Variants in METTL25 observed in about 807,000 individuals in gnomAD.
METTL25 encodes the protein methyltransferase like 25.
Under a neutral mutation model 71.6 loss-of-function variants are expected in METTL25, and 64 were observed. The observed-to-expected ratio is 0.89, with a 90% CI of 0.73 to 1.10. The LOEUF (loss-of-function observed/expected upper bound fraction) is 1.10, where lower values mean the gene tolerates loss of function less well. METTL25 is among the 50% of genes least tolerant of loss of function. The probability of loss-of-function intolerance (pLI) is 0.00; values close to 1 mark genes in which losing one functional copy is unlikely to be tolerated. For synonymous variants in METTL25, 287 were observed against 250.3 expected (o/e 1.15, Z -1.38); for missense variants, 807 against 707.0 (o/e 1.14, Z -1.60).
At chr12:82,370,502 A>G (rs1883105588) in intron 1 of METTL25, among the ~76,000 whole-genome samples, 1 of 152,124 alleles carries the variant, frequency 6.6e-6, no homozygotes, top group African/African-American at 2.4e-5. Context: ...TAGTGTAAAA[A>G]CAATACTTTT....
At chr12:82,411,200 AC>A (rs200881109) in intron 5 of METTL25, among the ~76,000 whole-genome samples, 1,551 of 152,176 alleles carry the variant, frequency 0.01, 18 homozygotes, top group African/African-American at 0.036. Flanking sequence ...ACCATGGCAA[AC>A]TTGAGCTTTA....
intron 4 of METTL25, among the ~76,000 whole-genome samples, chr12:82,401,827 C>G (rs1400556486): frequency 6.6e-6 from 1 of 151,950 alleles, no homozygotes; most frequent in Non-Finnish European, 1.5e-5. Context: ...AAAACATGAT[C>G]TTTACATTAT....
chr12:82,370,607 G>T (rs180968575), intron 1 of METTL25, among the ~76,000 whole-genome samples: 10 of 152,212 alleles, frequency 6.6e-5, no homozygotes, highest in African/African-American at 2.4e-4. Flanking sequence ...AGTCTATTTG[G>T]GATTGTAAAG....
At position 82,422,569 on chromosome 12, in the gene METTL25, T is replaced by C. The variant is rs536750221; in HGVS notation, c.1280-8324T>C. Among the ~76,000 whole-genome samples, 7 of 152,174 alleles carry C rather than the reference T, an allele frequency of 4.6e-5. No individual in the cohort carries two copies. In the East Asian group the frequency reaches 5.8e-4, roughly 13 times the overall value. On this transcript the variant is annotated intron_variant, in intron 5 of 11. Coordinates refer to ENST00000248306, the MANE Select transcript of METTL25 (RefSeq NM_032230.3). ...AGGGCAATTAGGCAGGAGAAGCAAA[T>C]AAAGGGCATTCAATTAGGAAAAGAG...
At chr12:82,373,840 C>G (rs554287981) in intron 1 of METTL25, among the ~76,000 whole-genome samples, 2 of 152,182 alleles carry the variant, frequency 1.3e-5, no homozygotes. Context: ...AAGTCTAACA[C>G]CTGTGTCTTT....
chr12:82,374,626 C>G (rs1018592898), intron 1 of METTL25, among the ~76,000 whole-genome samples: 2 of 152,156 alleles, frequency 1.3e-5, no homozygotes, highest in Non-Finnish European at 2.9e-5. Context: ...GACCCAGAAG[C>G]CCAGCTGGAT....
At chr12:82,361,912 G>C (rs1206825209) in intron 1 of METTL25, among the ~76,000 whole-genome samples, 3 of 152,224 alleles carry the variant, frequency 2.0e-5, no homozygotes, top group Non-Finnish European at 4.4e-5. Context: ...GGCCAGAGTG[G>C]GCGCCAAGGC....
intron 3 of METTL25, 122 bp from the exon 4 acceptor site, chr12:82,398,673 T>TA (rs545624803): frequency 0.015 from 8,186 of 536,654 alleles, 67 homozygotes; most frequent in Non-Finnish European, 0.019. Context: ...TTCATAGGAA[T>TA]AAAAAAAAAT....
intron 1 of METTL25, among the ~76,000 whole-genome samples, chr12:82,370,963 T>A (rs1291519729): frequency 1.3e-5 from 2 of 152,368 alleles, no homozygotes; most frequent in East Asian, 3.9e-4. Context: ...GATTTCCTTG[T>A]GGTATTTGAT....
intron 8 of METTL25, among the ~76,000 whole-genome samples, chr12:82,445,987 T>G (rs1031834850): frequency 6.6e-6 from 1 of 152,172 alleles, no homozygotes; most frequent in African/African-American, 2.4e-5. Flanking sequence ...AATTTTTTAC[T>G]GCATAGGATG....
intron 1 of METTL25, among the ~76,000 whole-genome samples, chr12:82,359,987 T>C (rs145245003): frequency 0.01 from 1,550 of 152,342 alleles, 17 homozygotes; most frequent in African/African-American, 0.036. Context: ...ATGGCACTTA[T>C]GATATGACAA....
chr12:82,450,179 G>A (rs1034419653), intron 8 of METTL25, among the ~76,000 whole-genome samples: 16 of 151,898 alleles, frequency 1.1e-4, no homozygotes, highest in African/African-American at 3.6e-4. Flanking sequence ...TTGTTGAGGT[G>A]GCTTTTTTTT....
chr12:82,466,777 A>G (rs1196496607), intron 9 of METTL25, among the ~76,000 whole-genome samples: 3 of 152,114 alleles, frequency 2.0e-5, no homozygotes. Flanking sequence ...GTACACCAGT[A>G]TAAGGTGCAT....
In METTL25 at chr12:82,360,700, G is replaced by A. The variant is rs112686406; in HGVS notation, c.259+1876G>A. Among the ~76,000 whole-genome samples the A allele has an allele frequency of 3.3e-3, 504 of 152,268 alleles. 5 individuals carry two copies. Among genetic ancestry groups the A allele is most frequent in the African/African-American group, 0.012 (478 of 41,552 alleles). ...GCCTACAAGGTATGTTTAAGGAGCTGTAAGGAGACTGAAATAGATTTCCAC... is the reference window on the plus strand; with the variant it reads ...GCCTACAAGGTATGTTTAAGGAGCTATAAGGAGACTGAAATAGATTTCCAC... On this transcript the variant is annotated intron_variant, in intron 1 of 11. Coordinates refer to ENST00000248306, the MANE Select transcript of METTL25 (RefSeq NM_032230.3).
chr12:82,386,692 G>T (rs1382712735), intron 1 of METTL25, 111 bp from the exon 2 acceptor site: 4 of 865,354 alleles, frequency 4.6e-6, no homozygotes, highest in Non-Finnish European at 7.0e-6. Context: ...ACAACAAAAT[G>T]AAAATATTGG....
At chr12:82,461,462 A>G (rs887885856) in intron 9 of METTL25, among the ~76,000 whole-genome samples, 2 of 152,272 alleles carry the variant, frequency 1.3e-5, no homozygotes, top group African/African-American at 4.8e-5. Flanking sequence ...AATCTAGGAA[A>G]CTGGGGAAGA....
intron 4 of METTL25, among the ~76,000 whole-genome samples, chr12:82,402,167 G>A (rs1327840423): frequency 1.3e-5 from 2 of 151,938 alleles, no homozygotes; most frequent in Non-Finnish European, 2.9e-5. Context: ...TAAATACGAT[G>A]TATACTATAA....
chr12:82,430,290 A>C (rs1889377219), intron 5 of METTL25, among the ~76,000 whole-genome samples: 1 of 143,164 alleles, frequency 7.0e-6, no homozygotes, highest in Admixed American at 7.2e-5. Flanking sequence ...ATATGTGATT[A>C]AGTAATGAAC....
intron 1 of METTL25, among the ~76,000 whole-genome samples, chr12:82,384,894 A>G (rs1246686668): frequency 1.3e-5 from 2 of 152,144 alleles, no homozygotes; most frequent in South Asian, 4.1e-4. Flanking sequence ...ACACTCTACA[A>G]AATTGCTGCC....
Sources: allele counts gnomAD v4.1 joint callset (sites outside exome capture counted in the v4.1 genomes callset), GRCh38; gene constraint gnomAD v4.1.1; transcripts MANE v1.5; gene names NCBI Gene and HGNC (gene_info 2026-07-23, HGNC 2026-07-21).